Variants in ALG9 observed in about 807,000 individuals in gnomAD.
The protein encoded by ALG9 is ALG9 alpha-1,2-mannosyltransferase.
ALG9 carries 55 observed loss-of-function variants against 81.8 expected under a neutral mutation model. The ratio of observed to expected loss-of-function variants is 0.67; its 90% CI spans 0.54 to 0.84. ALG9 has a LOEUF of 0.84. Ranked by LOEUF, ALG9 falls within the 40% of genes least tolerant of loss-of-function variation. The probability of loss-of-function intolerance (pLI) is 0.00; values close to 1 mark genes in which losing one functional copy is unlikely to be tolerated. For missense variants in ALG9, 629 were observed against 745.0 expected (o/e 0.84, Z 1.81); for synonymous variants, 278 against 274.3 (o/e 1.01, Z -0.13).
At chr11:111,810,481 T>C (rs1426188238) in intron 13 of ALG9, among the ~76,000 whole-genome samples, 1 of 152,172 alleles carries the variant, frequency 6.6e-6, no homozygotes, top group Admixed American at 6.5e-5. Context: ...CTGAGCCAGG[T>C]CCGGTGACTC....
At chr11:111,793,886 T>C (rs1947845528) in intron 14 of ALG9, among the ~76,000 whole-genome samples, 1 of 152,026 alleles carries the variant, frequency 6.6e-6, no homozygotes, top group Admixed American at 6.5e-5. Context: ...TCAAAACTCA[T>C]ACAATAATGT....
chr11:111,863,283 G>A (rs1323920150), intron 4 of ALG9, among the ~76,000 whole-genome samples: 6 of 152,108 alleles, frequency 3.9e-5, no homozygotes, highest in East Asian at 1.9e-4. Context: ...GCTTGAACCC[G>A]GGAGGCTGAG....
chr11:111,778,286 C>G (rs1021926691), downstream of ALG9: 3 of 152,222 alleles, frequency 2.0e-5, no homozygotes, highest in Admixed American at 6.5e-5. Flanking sequence ...ATCAATCATT[C>G]AATCAAATGA....
chr11:111,809,514 C>T (rs540389677), intron 14 of ALG9, 129 bp downstream of exon 14: 296 of 804,648 alleles, frequency 3.7e-4, no homozygotes, highest in Middle Eastern at 1.7e-3. Context: ...AGTGAGACTC[C>T]ATTACACACA....
At chr11:111,816,745 A>G (rs561720390) in intron 13 of ALG9, among the ~76,000 whole-genome samples, 10 of 152,280 alleles carry the variant, frequency 6.6e-5, no homozygotes, top group African/African-American at 2.4e-4. Flanking sequence ...TTTAAAATAG[A>G]GACAAGGTTT....
At position 111,809,712 on chromosome 11, in the gene ALG9, T is replaced by C; in HGVS notation, c.1664A>G (p.Glu555Gly). The change falls in exon 14 of 15, where the codon GAG becomes GGG. Residue 555 changes from glutamate (E) to glycine (G), a missense_variant. Around this residue, in one of 3 missense-constraint regions of ALG9, gnomAD observed 264 missense variants for 302.2 expected, o/e 0.87. Coordinates refer to ENST00000616540, the MANE Select transcript of ALG9 (RefSeq NM_024740.2). ...TTCTTTATTGGATGAATATTTTGGC[T>C]CCCGGGGTGTTTCTCTCATGGTGTC... ...DLDTMRETPR[E>G]PKYSSNKEEW... is the part of the protein sequence containing the mutation. The C allele has an allele frequency of 6.2e-7, 1 of 1,614,092 alleles. No individual in the cohort carries two copies. Among genetic ancestry groups the C allele is most frequent in the Non-Finnish European group, 8.5e-7 (1 of 1,179,986 alleles).
chr11:111,869,416 T>C (rs1184430256), intron 2 of ALG9, among the ~76,000 whole-genome samples: 1 of 152,156 alleles, frequency 6.6e-6, no homozygotes, highest in Non-Finnish European at 1.5e-5. Flanking sequence ...AAGTATACTA[T>C]TTAGTAACAC....
At chr11:111,848,817 T>C (rs368344793) in intron 8 of ALG9, among the ~76,000 whole-genome samples, 1 of 152,222 alleles carries the variant, frequency 6.6e-6, no homozygotes, top group South Asian at 2.1e-4. Flanking sequence ...TGTACCCCTC[T>C]TGCATTTACT....
chr11:111,830,308 T>C (rs1285826028), intron 13 of ALG9, among the ~76,000 whole-genome samples: 1 of 152,206 alleles, frequency 6.6e-6, no homozygotes, highest in African/African-American at 2.4e-5. Context: ...CCAGTTAAAT[T>C]TTAAAAAGTA....
At chr11:111,832,204 C>T (rs776000771) in intron 13 of ALG9, among the ~76,000 whole-genome samples, 6 of 152,210 alleles carry the variant, frequency 3.9e-5, no homozygotes, top group African/African-American at 7.2e-5. Context: ...TAAACAGCCA[C>T]ATTTATTGTA....
At chr11:111,865,145 T>A in intron 4 of ALG9, 36 bp downstream of exon 4, 1 of 1,476,284 alleles carries the variant, frequency 6.8e-7, no homozygotes, top group Non-Finnish European at 9.2e-7. Context: ...ATGGGTTTCC[T>A]CACAGCACTT....
chr11:111,831,915 A>G (rs1172770434), intron 13 of ALG9, among the ~76,000 whole-genome samples: 1 of 152,216 alleles, frequency 6.6e-6, no homozygotes, highest in Non-Finnish European at 1.5e-5. Context: ...TTTGAGCGTA[A>G]TTTAATTTTT....
chr11:111,801,519 C>G (rs547168802), intron 14 of ALG9, among the ~76,000 whole-genome samples: 2 of 152,332 alleles, frequency 1.3e-5, no homozygotes, highest in African/African-American at 4.8e-5. Flanking sequence ...AACGGACTTT[C>G]ATATATTCAA....
chr11:111,865,102 C>T, intron 4 of ALG9, 79 bp downstream of exon 4: 1 of 1,196,590 alleles, frequency 8.4e-7, no homozygotes, highest in Non-Finnish European at 1.2e-6. Flanking sequence ...CTAATCACTG[C>T]CTAGACTATC....
At chr11:111,797,035 AAATC>A (rs1948400007) in intron 14 of ALG9, among the ~76,000 whole-genome samples, 3 of 152,214 alleles carry the variant, frequency 2.0e-5, no homozygotes, top group Non-Finnish European at 4.4e-5. Flanking sequence ...CTTCTGTAAG[AAATC>A]ACCTTTAAAA....
intron 14 of ALG9, chr11:111,805,307 C>G (rs1246506543): frequency 2.2e-6 from 1 of 456,168 alleles, no homozygotes; most frequent in Non-Finnish European, 4.4e-6. Context: ...GGTCTTCCAG[C>G]CTTCAAAACT....
intron 6 of ALG9, 32 bp downstream of exon 6, chr11:111,857,570 G>A (rs782207629): frequency 1.3e-5 from 21 of 1,613,576 alleles, no homozygotes; most frequent in African/African-American, 4.0e-5. Context: ...TATGCCCAGC[G>A]ATATATGGGA....
rs782269059 is a variant in ALG9, at chr11:111,837,545, G to A, written c.1395C>T (p.Val465=). The part of the protein sequence containing the change: ...RIATDPTIHT[V]PEGRPVNVCV... ...AGACATTCACAGGTCTGCCTTCTGG[G>A]ACAGTGTGGATGGTTGGGTCTGTAG... Residue 465 remains valine, a synonymous_variant, in exon 12 of 15, where the codon GTC becomes GTT. Transcript: ENST00000616540. 3.7e-6 allele frequency: 6 copies of A among 1,614,076 alleles called. No individual in the cohort carries two copies. The South Asian group carries it at 6.6e-5, about 18-fold the overall frequency.
At chr11:111,781,346 G>A (rs369601737), downstream of ALG9, among the ~76,000 whole-genome samples, 4 of 152,328 alleles carry the variant, frequency 2.6e-5, no homozygotes, top group Non-Finnish European at 4.4e-5. Context: ...GTGCATGCCT[G>A]TAGTCCTAGC....
Sources: gnomAD v4.1 joint callset for allele counts (sites outside exome capture counted in the v4.1 genomes callset) on GRCh38, gnomAD v4.1.1 for gene constraint, gnomAD v4.1.1 regional missense constraint, MANE v1.5 for transcripts, NCBI Gene and HGNC (gene_info 2026-07-23, HGNC 2026-07-21) for gene names.